Variants in DCDC1 observed in about 807,000 individuals in gnomAD.
The protein encoded by DCDC1 is doublecortin domain containing 1, also known as doublecortin domain-containing protein 1.
DCDC1 carries 200 observed loss-of-function variants against 178.3 expected under a neutral mutation model. The ratio of observed to expected loss-of-function variants is 1.12; its 90% CI spans 1.00 to 1.26. DCDC1 has a LOEUF of 1.26. Among genes scored for constraint, DCDC1 ranks in the 50% most tolerant of loss-of-function variants. DCDC1 has a pLI of 0.00. For missense variants in DCDC1, 1,983 were observed against 1,749.2 expected (o/e 1.13, Z -2.38); for synonymous variants, 690 against 604.8 (o/e 1.14, Z -2.07).
rs1286832673 is a variant in DCDC1 at position 30,952,575 on chromosome 11, C to T, written c.2592-7G>A. ...TTCATGTTTTATGGCCCACCTAAAA[C>T]AAAAGATAAAAAACAAAAAGAAATT... On this transcript the variant is annotated splice_region_variant and splice_polypyrimidine_tract_variant and intron_variant, in intron 20 of 38. Transcript: ENST00000684477. 8 of 1,222,888 alleles carry T rather than the reference C, an allele frequency of 6.5e-6. No homozygotes were observed. In the East Asian group the frequency reaches 1.9e-4, roughly 29 times the overall value. 75.8% of individuals were successfully genotyped at this position (1,222,888 alleles called of 1,614,324 possible).
chr11:31,225,495 A>G (rs1444694291), intron 9 of DCDC1, among the ~76,000 whole-genome samples: 1 of 151,698 alleles, frequency 6.6e-6, no homozygotes, highest in Non-Finnish European at 1.5e-5. Flanking sequence ...ACCAAAAGCT[A>G]CCTTTTCCCC....
At chr11:31,301,173 GT>G (rs549568657) in intron 6 of DCDC1, among the ~76,000 whole-genome samples, 19 of 150,646 alleles carry the variant, frequency 1.3e-4, no homozygotes, top group South Asian at 8.5e-4. Context: ...AGAAGAAAAT[GT>G]TTTTTTTTCA....
At chr11:30,946,855 T>C (rs16921594) in intron 21 of DCDC1, among the ~76,000 whole-genome samples, 2,967 of 152,310 alleles carry the variant, frequency 0.019, 92 homozygotes, top group African/African-American at 0.067. Context: ...AGCTTTTATC[T>C]GGATGGAATT....
chr11:31,138,634 G>T (rs1030280211), intron 9 of DCDC1, among the ~76,000 whole-genome samples: 3 of 152,096 alleles, frequency 2.0e-5, no homozygotes, highest in African/African-American at 7.2e-5. Flanking sequence ...GAGTAAAAAT[G>T]AATAACGACC....
At position 31,332,141 on chromosome 11, in the gene DCDC1, T is replaced by C. The variant is rs568243674; in HGVS notation, c.-7+3306A>G. Among the ~76,000 whole-genome samples, 4 of 152,332 alleles carry C rather than the reference T, an allele frequency of 2.6e-5. No homozygotes were observed. The East Asian group carries it at 7.7e-4, about 29-fold the overall frequency. On this transcript the variant is annotated intron_variant, in intron 2 of 38. Coordinates refer to ENST00000684477, the MANE Select transcript of DCDC1 (RefSeq NM_001387274.1). ...ATGTATCCAGGAATTTATGCATTTC[T>C]TCTAGATTTTCTAGTTTATTTGCAA...
intron 20 of DCDC1, among the ~76,000 whole-genome samples, chr11:30,955,519 C>G (rs1301481326): frequency 6.6e-6 from 1 of 152,144 alleles, no homozygotes; most frequent in African/African-American, 2.4e-5. Context: ...ATCAGCCTAC[C>G]CTTCCCATGA....
rs566700699 is a variant in DCDC1 at position 30,965,501 on chromosome 11, G to C, written c.2592-12933C>G. Among the ~76,000 whole-genome samples, 4 of 151,858 alleles carry C rather than the reference G, an allele frequency of 2.6e-5. No homozygotes were observed. The East Asian group carries it at 5.8e-4, about 22-fold the overall frequency. On this transcript the variant is annotated intron_variant, in intron 20 of 38. Coordinates refer to ENST00000684477, the MANE Select transcript of DCDC1 (RefSeq NM_001387274.1). ...CACACCATCCCAGTCTGGACTTAAA[G>C]CATTCTTGTCACCAGAGATATCTTA... is the stretch of plus-strand genomic sequence containing the variant.
At chr11:31,004,864 T>C (rs759412215) in intron 20 of DCDC1, among the ~76,000 whole-genome samples, 2 of 152,098 alleles carry the variant, frequency 1.3e-5, no homozygotes, top group African/African-American at 4.8e-5. Context: ...TGCTCTGTGA[T>C]TTAAAATAGA....
chr11:30,965,833 T>C (rs2134627253), intron 20 of DCDC1, among the ~76,000 whole-genome samples: 1 of 133,144 alleles, frequency 7.5e-6, no homozygotes, highest in East Asian at 2.2e-4. Context: ...TTCCCACCTA[T>C]GAGTGAGAAT....
At chr11:31,294,397 C>T (rs1414981282) in intron 6 of DCDC1, among the ~76,000 whole-genome samples, 1 of 151,486 alleles carries the variant, frequency 6.6e-6, no homozygotes, top group African/African-American at 2.4e-5. Context: ...GCCTGGCCAA[C>T]ATGGTGAAAC....
intron 9 of DCDC1, among the ~76,000 whole-genome samples, chr11:31,149,397 A>T (rs1207826072): frequency 6.6e-6 from 1 of 152,138 alleles, no homozygotes; most frequent in Non-Finnish European, 1.5e-5. Context: ...TGGATCAATC[A>T]GCACTCTGTA....
At chr11:31,279,912 G>T (rs554661291) in intron 7 of DCDC1, among the ~76,000 whole-genome samples, 8 of 151,642 alleles carry the variant, frequency 5.3e-5, no homozygotes, top group Non-Finnish European at 8.8e-5. Context: ...AATAATAAAA[G>T]ATTATCTGTA....
chr11:31,112,684 G>A (rs1006292631), intron 11 of DCDC1, among the ~76,000 whole-genome samples: 6 of 152,132 alleles, frequency 3.9e-5, no homozygotes, highest in Non-Finnish European at 7.4e-5. Context: ...ATAGGAATAA[G>A]TTACTTCTAT....
chr11:30,914,142 G>A (rs1945654310), intron 27 of DCDC1, among the ~76,000 whole-genome samples: 1 of 152,234 alleles, frequency 6.6e-6, no homozygotes, highest in South Asian at 2.1e-4. Flanking sequence ...ACCATTCACA[G>A]AAACAAAAGC....
chr11:30,938,386 T>C (rs1413439101), intron 21 of DCDC1, among the ~76,000 whole-genome samples: 3 of 152,144 alleles, frequency 2.0e-5, no homozygotes, highest in Admixed American at 2.0e-4. Flanking sequence ...GCAGCTTTTA[T>C]CAAGTTTTTA....
At chr11:31,303,298 T>C (rs1033285403) in intron 6 of DCDC1, among the ~76,000 whole-genome samples, 6 of 152,200 alleles carry the variant, frequency 3.9e-5, no homozygotes, top group African/African-American at 1.4e-4. Context: ...CAGTTATCAA[T>C]TGTATATAAA....
intron 18 of DCDC1, among the ~76,000 whole-genome samples, chr11:31,066,909 C>T (rs1445622347): frequency 2.0e-5 from 3 of 152,036 alleles, no homozygotes; most frequent in Non-Finnish European, 4.4e-5. Flanking sequence ...AACAAATGTA[C>T]CACTCTGGTG....
chr11:31,339,434 A>G (rs1394094823), intron 1 of DCDC1, among the ~76,000 whole-genome samples: 2 of 152,176 alleles, frequency 1.3e-5, no homozygotes, highest in African/African-American at 4.8e-5. Flanking sequence ...TTTGTATACG[A>G]TTCAGCCTAA....
At chr11:30,982,129 G>T (rs889075722) in intron 20 of DCDC1, among the ~76,000 whole-genome samples, 2 of 152,164 alleles carry the variant, frequency 1.3e-5, no homozygotes, top group African/African-American at 4.8e-5. Context: ...GCAGCGCAAA[G>T]AATTTTTATG....
Sources: allele counts gnomAD v4.1 joint callset (sites outside exome capture counted in the v4.1 genomes callset), GRCh38; gene constraint gnomAD v4.1.1; transcripts MANE v1.5; gene names NCBI Gene and HGNC (gene_info 2026-07-23, HGNC 2026-07-21).